Variants in CLASP2 observed in about 807,000 individuals in gnomAD.
CLASP2 encodes CLIP-associating protein 2.
In CLASP2, 47 loss-of-function variants were observed where a neutral mutation model predicts 194.4. The ratio of observed to expected loss-of-function variants is 0.24; its 90% CI spans 0.19 to 0.31. The LOEUF (loss-of-function observed/expected upper bound fraction) is 0.31. Ranked by LOEUF, CLASP2 falls within the 10% of genes least tolerant of loss-of-function variation. The probability of loss-of-function intolerance (pLI) is 1.00; values close to 1 mark genes in which losing one functional copy is unlikely to be tolerated. For synonymous variants in CLASP2, 619 were observed against 633.5 expected (o/e 0.98, Z 0.34); for missense variants, 1,445 against 1,823.6 (o/e 0.79, Z 3.78).
At chr3:33,651,905 C>G (rs999586050) in intron 7 of CLASP2, among the ~76,000 whole-genome samples, 1 of 152,046 alleles carries the variant, frequency 6.6e-6, no homozygotes, top group African/African-American at 2.4e-5. Flanking sequence ...GTGATCTGCC[C>G]TTCTTGGCCT....
chr3:33,667,457 A>G (rs1210420511), intron 6 of CLASP2, among the ~76,000 whole-genome samples: 1 of 147,302 alleles, frequency 6.8e-6, no homozygotes, highest in Non-Finnish European at 1.5e-5. Context: ...ATTTACTCCC[A>G]TAATATGAGT....
Position 33,715,233 on chromosome 3 carries a change from T to A in CLASP2, c.195+2575A>T, listed in dbSNP as rs1302059716. The stretch of plus-strand genomic sequence containing the variant: ...CATGTTGATTTACAAGCACATGCTA[T>A]CTGAAATGATCTAATTTCTATACCT... On this transcript the variant is annotated intron_variant, in intron 1 of 38. Transcript: ENST00000682230. Among the ~76,000 whole-genome samples the A allele has an allele frequency of 2.0e-5, 3 of 152,246 alleles. No individual in the cohort carries two copies. The East Asian group carries it at 5.8e-4, about 29-fold the overall frequency.
intron 6 of CLASP2, among the ~76,000 whole-genome samples, chr3:33,678,153 T>TG (rs1367769925): frequency 6.6e-6 from 1 of 151,760 alleles, no homozygotes; most frequent in African/African-American, 2.4e-5. Flanking sequence ...TACATGTTAA[T>TG]GGGGATAATA....
At chr3:33,705,705 C>T (rs950314730) in intron 1 of CLASP2, among the ~76,000 whole-genome samples, 1 of 152,068 alleles carries the variant, frequency 6.6e-6, no homozygotes, top group Non-Finnish European at 1.5e-5. Flanking sequence ...TATGAAAAGA[C>T]ATGCAAAAAT....
At chr3:33,521,376 G>C (rs889932282) in intron 34 of CLASP2, among the ~76,000 whole-genome samples, 1 of 152,058 alleles carries the variant, frequency 6.6e-6, no homozygotes, top group Non-Finnish European at 1.5e-5. Flanking sequence ...CCATAATCAA[G>C]AGATCAAAGT....
intron 7 of CLASP2, among the ~76,000 whole-genome samples, chr3:33,645,850 A>T (rs557188414): frequency 6.6e-6 from 1 of 151,746 alleles, no homozygotes; most frequent in Non-Finnish European, 1.5e-5. Flanking sequence ...TTCATAAATG[A>T]TTCTACAAGG....
chr3:33,515,969 C>A, intron 36 of CLASP2, 54 bp downstream of exon 36: 1 of 1,525,984 alleles, frequency 6.6e-7, no homozygotes, highest in South Asian at 1.3e-5. Context: ...ACAATGGTTA[C>A]ATGTTTCATG....
intron 2 of CLASP2, among the ~76,000 whole-genome samples, chr3:33,694,834 A>C (rs2091703979): frequency 6.6e-6 from 1 of 152,010 alleles, no homozygotes; most frequent in Non-Finnish European, 1.5e-5. Flanking sequence ...CCAGCTACTC[A>C]GGAGGCTGAG....
At position 33,638,341 on chromosome 3, in the gene CLASP2, G is replaced by A. The variant is rs546918660; in HGVS notation, c.863-5970C>T. ...ATTTTTTGAGATGGAGTCTCGCTCC[G>A]TCGCCCAGGCTGTAGTGCAGTGGCG... is the stretch of plus-strand genomic sequence containing the variant. On this transcript the variant is annotated intron_variant, in intron 8 of 38. Transcript: ENST00000682230. 7.9e-4 allele frequency among the ~76,000 whole-genome samples: 120 copies of A among 151,828 alleles called. 1 individual carries two copies. Among genetic ancestry groups the A allele is most frequent in the African/African-American group, 2.6e-3 (109 of 41,382 alleles).
intron 36 of CLASP2, among the ~76,000 whole-genome samples, chr3:33,515,317 T>C (rs1039489065): frequency 1.3e-5 from 2 of 152,160 alleles, no homozygotes; most frequent in African/African-American, 4.8e-5. Flanking sequence ...GGGAGAGAGA[T>C]ATCATGGCTA....
At chr3:33,543,388 G>A (rs767260440) in intron 32 of CLASP2, 45 bp downstream of exon 32, 25 of 1,278,762 alleles carry the variant, frequency 2.0e-5, no homozygotes, top group Non-Finnish European at 2.4e-5. Flanking sequence ...GAAAGAATGG[G>A]AATTTACAAA....
intron 9 of CLASP2, among the ~76,000 whole-genome samples, chr3:33,628,533 G>A (rs1277243079): frequency 6.6e-6 from 1 of 152,132 alleles, no homozygotes; most frequent in Non-Finnish European, 1.5e-5. Context: ...GCAGTAGAGT[G>A]ATTCCTAGGT....
intron 1 of CLASP2, among the ~76,000 whole-genome samples, chr3:33,703,323 A>T (rs1361521101): frequency 6.6e-6 from 1 of 152,258 alleles, no homozygotes; most frequent in Admixed American, 6.5e-5. Flanking sequence ...AAAAGATGTA[A>T]GATATATAAA....
At position 33,551,357 on chromosome 3, in the gene CLASP2, G is replaced by A. The variant is rs2059978924; in HGVS notation, c.3048C>T (p.Ala1016=). 6.2e-7 allele frequency: 1 copy of A among 1,613,596 alleles called. No homozygotes were observed. Among genetic ancestry groups the A allele is most frequent in the East Asian group, 2.2e-5 (1 of 44,864 alleles). ...VAILKYIETL[A]KQMDPGDFIN... is the part of the protein sequence containing the mutation. ...TAAAATCTCCTGGATCCATCTGTTT[G>A]GCCAGAGTTTCTATGTATTTAAGGA... Residue 1016 remains alanine, a synonymous_variant, in exon 30 of 39, where the codon GCC becomes GCT. Transcript: ENST00000682230.
chr3:33,591,844 A>T lies in CLASP2; in HGVS notation c.2068+551T>A, dbSNP rs190763527. Among the ~76,000 whole-genome samples, 80 of 152,360 alleles carry T rather than the reference A, an allele frequency of 5.3e-4. 1 individual carries two copies. The highest frequency in any genetic ancestry group is 8.8e-5 in the Non-Finnish European group (6 of 68,040). On this transcript the variant is annotated intron_variant, in intron 21 of 38. Coordinates refer to ENST00000682230, the MANE Select transcript of CLASP2 (RefSeq NM_001365631.1). ...ACTATAAATTAGTATATACCTGCCA[A>T]AAATGGTAATCAAAAATAGATAATC...
intron 1 of CLASP2, among the ~76,000 whole-genome samples, chr3:33,708,911 T>C (rs923072113): frequency 2.6e-5 from 4 of 152,180 alleles, no homozygotes; most frequent in Non-Finnish European, 5.9e-5. Context: ...TGATATTTCA[T>C]CGTGGTTCTG....
In CLASP2 at chr3:33,592,395, G is replaced by A. The variant is rs778958119; in HGVS notation, c.2068C>T (p.Pro690Ser). The A allele has an allele frequency of 2.4e-5, 38 of 1,604,202 alleles. No individual in the cohort carries two copies. Among genetic ancestry groups the A allele is most frequent in the South Asian group, 3.3e-5 (3 of 90,414 alleles). The change falls in exon 21 of 39, where the codon CCT becomes TCT. Residue 690 changes from proline (P) to serine (S), a missense_variant and splice_region_variant. Transcript: ENST00000682230. ...AGGAGGGCTGATAAGCAATACATAC[G>A]CTGTGATTGAGACACCATTTTTGTT... Reference protein sequence around the residue: ...SRTKMVSQSQPGSRSGSPGRV... With the variant: ...SRTKMVSQSQSGSRSGSPGRV...
chr3:33,612,358 G>A (rs1355569480), intron 12 of CLASP2, among the ~76,000 whole-genome samples: 1 of 152,098 alleles, frequency 6.6e-6, no homozygotes, highest in African/African-American at 2.4e-5. Context: ...TGGGGGAGAG[G>A]GAGCACTAAG....
intron 29 of CLASP2, chr3:33,558,489 T>G (rs781264625): frequency 6.6e-6 from 1 of 151,666 alleles, no homozygotes; most frequent in Non-Finnish European, 1.5e-5. Flanking sequence ...CTGACTTTAA[T>G]CTCATTTAAT....
Sources: gnomAD v4.1 joint callset for allele counts (sites outside exome capture counted in the v4.1 genomes callset) on GRCh38, gnomAD v4.1.1 for gene constraint, MANE v1.5 for transcripts, NCBI Gene and HGNC (gene_info 2026-07-23, HGNC 2026-07-21) for gene names.